Variants in CNDP1 observed in about 807,000 individuals in gnomAD.
CNDP1 encodes the protein carnosine dipeptidase 1.
Under a neutral mutation model 58.1 loss-of-function variants are expected in CNDP1, and 44 were observed. The ratio of observed to expected loss-of-function variants is 0.76; its 90% confidence interval spans 0.60 to 0.97. The LOEUF (loss-of-function observed/expected upper bound fraction) is 0.97. CNDP1 is among the 50% of genes least tolerant of loss of function. The pLI, the probability that CNDP1 is intolerant of heterozygous loss-of-function variation, is 0.00. For missense variants in CNDP1, 616 were observed against 655.1 expected, an observed-to-expected ratio of 0.94 and a Z score of 0.65; for synonymous variants, 254 against 252.6, an observed-to-expected ratio of 1.01 and a Z score of -0.05.
At chr18:74,542,086 C>G (rs370363015) in intron 1 of CNDP1, among the ~76,000 whole-genome samples, 3 of 152,148 alleles carry the variant, frequency 2.0e-5, no homozygotes, top group Non-Finnish European at 4.4e-5. Context: ...CAGGGAGAAA[C>G]GCGTTTGCAT....
intron 1 of CNDP1, among the ~76,000 whole-genome samples, chr18:74,535,461 A>G (rs1980462889): frequency 6.6e-6 from 1 of 151,954 alleles, no homozygotes; most frequent in Admixed American, 6.6e-5. Flanking sequence ...CCACAGCCGG[A>G]TTCTAGAAGT....
chr18:74,569,603 A>G (rs377174699), intron 6 of CNDP1, among the ~76,000 whole-genome samples: 2 of 152,118 alleles, frequency 1.3e-5, no homozygotes, highest in African/African-American at 2.4e-5. Context: ...AATTAGCGTG[A>G]GCACCGCATG....
At position 74,556,318 on chromosome 18, in the gene CNDP1, C is replaced by A. The variant is rs201772082; in HGVS notation, c.25-20C>A. 119 of 1,607,742 alleles carry A rather than the reference C, an allele frequency of 7.4e-5. No individual in the cohort carries two copies. The highest frequency in any genetic ancestry group is 9.9e-5 in the Non-Finnish European group (117 of 1,178,060). ...CTGGCATTGATTTTCATTCGTTCCT[C>A]CCATGTCAAACCCTTCCAGGCTGCG... On this transcript the variant is annotated intron_variant, in intron 1 of 11. Transcript: ENST00000358821.
intron 1 of CNDP1, among the ~76,000 whole-genome samples, chr18:74,535,569 T>G (rs2144634852): frequency 7.4e-6 from 1 of 135,218 alleles, no homozygotes; most frequent in South Asian, 2.4e-4. Flanking sequence ...GGCCATGCTT[T>G]CCATTGCTGA....
At chr18:74,567,207 A>G in intron 5 of CNDP1, 26 bp from the exon 6 acceptor site, 1 of 1,598,518 alleles carries the variant, frequency 6.3e-7, no homozygotes, top group Non-Finnish European at 8.6e-7. Flanking sequence ...CAACTTGTGC[A>G]ATTTTTTTCT....
At chr18:74,535,418 G>A (rs1482574934) in intron 1 of CNDP1, among the ~76,000 whole-genome samples, 1 of 152,188 alleles carries the variant, frequency 6.6e-6, no homozygotes, top group Admixed American at 6.5e-5. Flanking sequence ...ATGCGAGGCT[G>A]GAGACACAGT....
intron 3 of CNDP1, 117 bp downstream of exon 3, chr18:74,559,589 C>A (rs1461061644): frequency 2.3e-6 from 2 of 865,246 alleles, no homozygotes; most frequent in East Asian, 5.5e-5. Flanking sequence ...CCCCATAACC[C>A]CAATTCCCAA....
intron 1 of CNDP1, among the ~76,000 whole-genome samples, chr18:74,540,753 G>A (rs898090985): frequency 1.3e-5 from 2 of 152,190 alleles, no homozygotes; most frequent in African/African-American, 2.4e-5. Context: ...GGTGATTGGC[G>A]ACGTTGTGGC....
At chr18:74,536,866 A>G (rs1331224222) in intron 1 of CNDP1, among the ~76,000 whole-genome samples, 1 of 152,012 alleles carries the variant, frequency 6.6e-6, no homozygotes, top group Non-Finnish European at 1.5e-5. Flanking sequence ...TGTGGTTTTG[A>G]TTTGCATTTC....
chr18:74,563,943 A>G (rs1010698154), intron 5 of CNDP1, among the ~76,000 whole-genome samples: 5 of 152,224 alleles, frequency 3.3e-5, no homozygotes, highest in African/African-American at 9.6e-5. Context: ...TGCTAGTTCA[A>G]TGTTCACACA....
intron 6 of CNDP1, among the ~76,000 whole-genome samples, chr18:74,570,283 G>T (rs185865313): frequency 2.0e-5 from 3 of 151,472 alleles, no homozygotes; most frequent in African/African-American, 7.3e-5. Context: ...ACAGGTTAAT[G>T]AACCAGTCCA....
At chr18:74,582,360 C>T (rs1375967972) in intron 10 of CNDP1, among the ~76,000 whole-genome samples, 1 of 152,132 alleles carries the variant, frequency 6.6e-6, no homozygotes, top group African/African-American at 2.4e-5. Context: ...GCAGCATGTC[C>T]GGTAAGCTAG....
At chr18:74,572,316 G>T (rs963028695) in intron 7 of CNDP1, among the ~76,000 whole-genome samples, 3 of 152,070 alleles carry the variant, frequency 2.0e-5, no homozygotes, top group African/African-American at 7.2e-5. Context: ...AGCTAAGGAA[G>T]TTTAAACTCC....
At chr18:74,565,127 A>G (rs998132872) in intron 5 of CNDP1, among the ~76,000 whole-genome samples, 1 of 152,012 alleles carries the variant, frequency 6.6e-6, no homozygotes, top group East Asian at 1.9e-4. Flanking sequence ...ATTAGATCTC[A>G]TGAGACTTAT....
At chr18:74,547,134 A>C (rs1163155026) in intron 1 of CNDP1, among the ~76,000 whole-genome samples, 1 of 152,112 alleles carries the variant, frequency 6.6e-6, no homozygotes, top group African/African-American at 2.4e-5. Context: ...ATCCAGAAAA[A>C]CCCATTTTTG....
chr18:74,557,097 C>A (rs1358233656), intron 2 of CNDP1, among the ~76,000 whole-genome samples: 2 of 151,724 alleles, frequency 1.3e-5, no homozygotes, highest in African/African-American at 4.9e-5. Context: ...TGTATTTTTT[C>A]AGTAGAGACG....
At chr18:74,560,656 C>G (rs1265139778) in intron 3 of CNDP1, among the ~76,000 whole-genome samples, 200 bp from the exon 4 acceptor site, 1 of 151,862 alleles carries the variant, frequency 6.6e-6, no homozygotes, top group African/African-American at 2.4e-5. Flanking sequence ...TGCGCTCCAG[C>G]CTGGGCGACA....
At chr18:74,578,719 G>C (rs1981698878) in intron 9 of CNDP1, among the ~76,000 whole-genome samples, 1 of 152,182 alleles carries the variant, frequency 6.6e-6, no homozygotes, top group Non-Finnish European at 1.5e-5. Flanking sequence ...TAGTGTGCTA[G>C]GAAAATTTGA....
intron 1 of CNDP1, among the ~76,000 whole-genome samples, chr18:74,537,134 TTTAA>T (rs1341277052): frequency 2.0e-5 from 3 of 152,230 alleles, no homozygotes; most frequent in African/African-American, 7.2e-5. Context: ...AGCTCTTAAG[TTTAA>T]TTAGATTCTA....
Sources: allele counts gnomAD v4.1 joint callset (sites outside exome capture counted in the v4.1 genomes callset), GRCh38; gene constraint gnomAD v4.1.1; transcripts MANE v1.5; gene names NCBI Gene and HGNC (gene_info 2026-07-23, HGNC 2026-07-21).